Variants in CCDC138 observed in about 807,000 individuals in gnomAD.
CCDC138 encodes the protein coiled-coil domain-containing protein 138.
CCDC138 carries 66 observed loss-of-function variants against 82.3 expected under a neutral mutation model. That is an observed-to-expected ratio of 0.80 (90% confidence interval 0.66 to 0.98). The LOEUF (loss-of-function observed/expected upper bound fraction) is 0.98, where lower values mean the gene tolerates loss of function less well. Among genes scored for constraint, CCDC138 ranks in the 50% least tolerant of loss-of-function variants. The pLI is 0.00. For missense variants in CCDC138, 816 were observed against 758.9 expected, an observed-to-expected ratio of 1.08 and a Z score of -0.88; for synonymous variants, 297 against 265.4, an observed-to-expected ratio of 1.12 and a Z score of -1.16.
intron 7 of CCDC138, among the ~76,000 whole-genome samples, chr2:108,809,672 T>C (rs1274139354): frequency 1.3e-5 from 2 of 152,338 alleles, no homozygotes; most frequent in South Asian, 2.1e-4. Context: ...TTTTTGTATG[T>C]TGATTTTGTG....
chr2:108,795,260 T>C (rs755442826), intron 5 of CCDC138, among the ~76,000 whole-genome samples: 5 of 149,184 alleles, frequency 3.4e-5, no homozygotes, highest in Non-Finnish European at 1.5e-5. Context: ...GTTCCAGTGA[T>C]TCTCCTGCCT....
intron 9 of CCDC138, among the ~76,000 whole-genome samples, chr2:108,814,827 C>G (rs1051720334): frequency 6.6e-6 from 1 of 151,560 alleles, no homozygotes; most frequent in African/African-American, 2.4e-5. Context: ...GTAGAGACAG[C>G]GTTTCACCAT....
intron 12 of CCDC138, among the ~76,000 whole-genome samples, chr2:108,851,361 G>C (rs1691457961): frequency 6.6e-6 from 1 of 152,094 alleles, no homozygotes; most frequent in Non-Finnish European, 1.5e-5. Flanking sequence ...GAGTGCAATG[G>C]CGTGATCTTG....
At chr2:108,813,095 G>A (rs1476492255) in intron 9 of CCDC138, among the ~76,000 whole-genome samples, 168 bp downstream of exon 9, 2 of 151,342 alleles carry the variant, frequency 1.3e-5, no homozygotes, top group East Asian at 3.9e-4. Context: ...TAAAAATACA[G>A]AAAATTAGCC....
rs1384741381 is a variant in CCDC138, at chr2:108,876,136, A to G, written c.1881A>G (p.Gln627=). 2 of 1,609,146 alleles carry G rather than the reference A, an allele frequency of 1.2e-6. No homozygotes were observed. The highest frequency in any genetic ancestry group is 8.5e-7 in the Non-Finnish European group (1 of 1,175,638). ...TTTTTACGATTCATCTGATGCTTCA[A>G]GAAATACAAAGGACAACAAACCCAG... The part of the protein sequence containing the change: ...FELFTIHLML[Q]EIQRTTNPEH... The change falls in exon 15 of 15, where the codon CAA becomes CAG. Residue 627 remains glutamine (Q), a synonymous_variant. Transcript: ENST00000295124.
At position 108,828,040 on chromosome 2, in the gene CCDC138, A is replaced by G. The variant is rs80304929; in HGVS notation, c.1207-11145A>G. 0.013 allele frequency among the ~76,000 whole-genome samples: 2,000 copies of G among 152,204 alleles called. 149 individuals are homozygous for G. In the East Asian group the frequency reaches 0.21, roughly 16 times the overall value. On this transcript the variant is annotated intron_variant, in intron 10 of 14. Coordinates refer to ENST00000295124, the MANE Select transcript of CCDC138 (RefSeq NM_144978.3). ...CCAAACTTGTAAATAGATTTCACAT[A>G]TGATAAAGGTAGCATGTTAAATCAA... is the stretch of plus-strand genomic sequence containing the variant.
chr2:108,800,608 C>CTTTTTTTTTTTTTTT (rs67529329), intron 6 of CCDC138, among the ~76,000 whole-genome samples: 1 of 33,492 alleles, frequency 3.0e-5, no homozygotes, highest in Admixed American at 5.5e-4. Flanking sequence ...CTCAGTTTAG[C>CTTTTTTTTTTTTTTT]TTTTTTTTTT....
In CCDC138 at chr2:108,794,682, G is replaced by GAT. The variant is rs1329119559; in HGVS notation, c.542_543dup (p.Asp182MetfsTer9). On this transcript the variant is annotated frameshift_variant, in exon 5 of 15. Transcript: ENST00000295124. LOFTEE classifies it high-confidence loss of function. ...GTTTACTTCCACATCAGATCAGTCA[G>GAT]ATATATGACGAATTATTTCAGATAC... The GAT allele has an allele frequency of 6.2e-7, 1 of 1,613,618 alleles. No homozygotes were observed. Among genetic ancestry groups the GAT allele is most frequent in the Non-Finnish European group, 8.5e-7 (1 of 1,179,902 alleles).
intron 13 of CCDC138, among the ~76,000 whole-genome samples, chr2:108,866,822 G>T (rs1205696506): frequency 6.6e-6 from 1 of 151,908 alleles, no homozygotes; most frequent in Non-Finnish European, 1.5e-5. Flanking sequence ...GGTGGAGTTT[G>T]CAGTGAGCCG....
intron 14 of CCDC138, 100 bp downstream of exon 14, chr2:108,873,689 G>A: frequency 1.3e-6 from 1 of 760,670 alleles, no homozygotes; most frequent in Non-Finnish European, 2.1e-6. Context: ...GGCCACACTG[G>A]ATGAAGAAGA....
At chr2:108,822,129 C>T (rs1359998966) in intron 10 of CCDC138, among the ~76,000 whole-genome samples, 1 of 151,880 alleles carries the variant, frequency 6.6e-6, no homozygotes, top group Non-Finnish European at 1.5e-5. Context: ...CAATCCTTGT[C>T]AATGGTCTCC....
chr2:108,880,801 TG>T (rs1228960246), downstream of CCDC138, among the ~76,000 whole-genome samples: 2 of 152,214 alleles, frequency 1.3e-5, no homozygotes, highest in Non-Finnish European at 2.9e-5. Flanking sequence ...GTGCACCCAG[TG>T]ACCAAAGAGC....
At chr2:108,869,246 A>G (rs1694879893) in intron 13 of CCDC138, among the ~76,000 whole-genome samples, 1 of 152,198 alleles carries the variant, frequency 6.6e-6, no homozygotes. Flanking sequence ...TGCCCAATCA[A>G]GAAAAAGCCA....
At chr2:108,786,970 G>A (rs558688846) in intron 1 of CCDC138, 55 bp downstream of exon 1, 72 of 1,256,056 alleles carry the variant, frequency 5.7e-5, no homozygotes, top group Non-Finnish European at 7.4e-5. Context: ...GGGGCGGCCC[G>A]CTCCGTGCCC....
chr2:108,833,898 T>TG (rs1688141427), intron 10 of CCDC138, among the ~76,000 whole-genome samples: 1 of 135,564 alleles, frequency 7.4e-6, no homozygotes, highest in Non-Finnish European at 1.5e-5. Context: ...CGGCTAATTT[T>TG]TTTTTTTTTT....
intron 12 of CCDC138, among the ~76,000 whole-genome samples, chr2:108,849,249 A>T (rs1691013633): frequency 6.6e-6 from 1 of 152,212 alleles, no homozygotes; most frequent in Non-Finnish European, 1.5e-5. Flanking sequence ...ATATTCTAAT[A>T]TTATGTACTT....
At chr2:108,793,310 G>A (rs1680249848) in intron 4 of CCDC138, among the ~76,000 whole-genome samples, 1 of 152,098 alleles carries the variant, frequency 6.6e-6, no homozygotes, top group South Asian at 2.1e-4. Context: ...TCCAGCCTGG[G>A]CGACAGAGTG....
intron 13 of CCDC138, among the ~76,000 whole-genome samples, chr2:108,866,425 A>G (rs1436277849): frequency 1.3e-5 from 2 of 152,198 alleles, no homozygotes; most frequent in South Asian, 4.1e-4. Context: ...CATTCAGCCT[A>G]CCACACTAGT....
At chr2:108,847,813 T>A (rs1453877787) in intron 12 of CCDC138, among the ~76,000 whole-genome samples, 1 of 152,192 alleles carries the variant, frequency 6.6e-6, no homozygotes, top group Non-Finnish European at 1.5e-5. Flanking sequence ...CTCCCGATGG[T>A]ATGGAATTGA....
Sources: allele counts gnomAD v4.1 joint callset (sites outside exome capture counted in the v4.1 genomes callset), GRCh38; gene constraint gnomAD v4.1.1; transcripts MANE v1.5; gene names NCBI Gene and HGNC (gene_info 2026-07-23, HGNC 2026-07-21).